MXRA8: variants seen among roughly 807,000 people sequenced by gnomAD.
MXRA8 encodes matrix remodeling associated 8.
Under a neutral mutation model 51.4 loss-of-function variants are expected in MXRA8, and 44 were observed. The ratio of observed to expected loss-of-function variants is 0.86; its 90% CI spans 0.67 to 1.10. The LOEUF is 1.10. Among genes scored for constraint, MXRA8 ranks in the 50% least tolerant of loss-of-function variants. The probability of loss-of-function intolerance (pLI) is 0.00; values close to 1 mark genes in which losing one functional copy is unlikely to be tolerated. For synonymous variants in MXRA8, 369 were observed against 293.5 expected (o/e 1.26, Z -2.63); for missense variants, 765 against 638.9 (o/e 1.20, Z -2.13).
intron 1 of MXRA8, among the ~76,000 whole-genome samples, chr1:1,357,008 A>G (rs1303594706): frequency 7.5e-6 from 1 of 133,872 alleles, no homozygotes; most frequent in South Asian, 2.4e-4. Flanking sequence ...GCTGCACCCA[A>G]GTCACCCAGA....
chr1:1,358,664 C>T (rs532502221), upstream of MXRA8: 5 of 1,408,366 alleles, frequency 3.6e-6, no homozygotes, highest in African/African-American at 2.9e-5. Flanking sequence ...TGCCGGGCCC[C>T]TTGGCCTCCC....
rs1644046286 is a variant in MXRA8, at chr1:1,353,553, CACAG to C, written c.*47_*50del. On this transcript the variant is annotated 3_prime_UTR_variant, in exon 10 of 10. Transcript: ENST00000309212. ...GAGCATCAGGAGATGCCCCGAGGAG[CACAG>C]ACAGGAGAGGTGCAGCTGCTGGCCC... 1.3e-6 allele frequency: 2 copies of C among 1,488,446 alleles called. No homozygotes were observed. The highest frequency in any genetic ancestry group is 1.8e-6 in the Non-Finnish European group (2 of 1,099,534). 92.2% of individuals were successfully genotyped at this position (1,488,446 alleles called of 1,614,324 possible). A position where few individuals can be genotyped will look rare whatever the true frequency, so the allele number is the denominator to read the frequency against.
In MXRA8 at chr1:1,355,343, C is replaced by G; in HGVS notation, c.379G>C (p.Val127Leu). ...TACAGCCCCGCGTCCGTCTCCTCCA[C>G]CGCTGCGCACCCAGGAGGAAGCCGC... ...DGNFSLLIRAVEETDAGLYTC... is the reference protein window; with the variant it reads ...DGNFSLLIRALEETDAGLYTC... Residue 127 changes from valine to leucine, a missense_variant and splice_region_variant, in exon 4 of 10, where the codon GTG (valine) becomes CTG (leucine). Physicochemically the swap from Val to Leu is conservative, Grantham distance 32 (BLOSUM62 1). Coordinates refer to ENST00000309212, the MANE Select transcript of MXRA8 (RefSeq NM_032348.4). The G allele has an allele frequency of 6.4e-7, 1 of 1,573,392 alleles. No homozygotes were observed. The highest frequency in any genetic ancestry group is 1.2e-5 in the South Asian group (1 of 86,846).
intron 1 of MXRA8, 95 bp downstream of exon 1, chr1:1,358,361 T>A (rs1644174307): frequency 7.2e-7 from 1 of 1,388,706 alleles, no homozygotes; most frequent in Non-Finnish European, 9.8e-7. Flanking sequence ...TTCCCACTCC[T>A]CCTGGCCCAA....
upstream of MXRA8, among the ~76,000 whole-genome samples, chr1:1,360,282 C>T (rs1644204481): frequency 6.6e-6 from 1 of 152,234 alleles, no homozygotes. Context: ...GAGAGGGCCA[C>T]CTGGGGGCAG....
At chr1:1,354,619 C>A (rs1224749205) in intron 5 of MXRA8, 63 bp downstream of exon 5, 2 of 1,542,082 alleles carry the variant, frequency 1.3e-6, no homozygotes, top group African/African-American at 2.8e-5. Context: ...GGACAGCGGG[C>A]GCAGAGCAAC....
At chr1:1,357,511 A>T (rs1222112494) in intron 1 of MXRA8, among the ~76,000 whole-genome samples, 1 of 151,930 alleles carries the variant, frequency 6.6e-6, no homozygotes. Flanking sequence ...TAAACCCACC[A>T]GTTAAAACTC....
At chr1:1,358,575 C>T (rs992995706), upstream of MXRA8, 13 of 1,558,596 alleles carry the variant, frequency 8.3e-6, no homozygotes, top group Admixed American at 2.1e-4. Context: ...GCCCTACCCC[C>T]TCCCCCTCCT....
At chr1:1,360,005 G>T (rs1308864412), upstream of MXRA8, among the ~76,000 whole-genome samples, 1 of 152,178 alleles carries the variant, frequency 6.6e-6, no homozygotes, top group Non-Finnish European at 1.5e-5. Context: ...GTCTCCTTCC[G>T]TCACTCTCCC....
At chr1:1,356,263 G>A (rs1403631010) in intron 2 of MXRA8, among the ~76,000 whole-genome samples, 5 of 135,140 alleles carry the variant, frequency 3.7e-5, no homozygotes, top group African/African-American at 1.1e-4. Context: ...CAAGTCAGTC[G>A]GGGAGACATG....
chr1:1,359,181 C>T (rs1264024064), upstream of MXRA8: 1 of 985,146 alleles, frequency 1.0e-6, no homozygotes, highest in Non-Finnish European at 1.2e-6. Context: ...GGACCCTGAG[C>T]ACTGGGAGGC....
In MXRA8 at chr1:1,357,548, T is replaced by A. The variant is rs1053312016; in HGVS notation, c.50-844A>T. ...CCCACCAGGCATGGTGGCTCACGCC[T>A]GTAATCCCAGCACTTTGGGAGGCCA... is the stretch of plus-strand genomic sequence containing the variant. On this transcript the variant is annotated intron_variant, in intron 1 of 9. Coordinates refer to ENST00000309212, the MANE Select transcript of MXRA8 (RefSeq NM_032348.4). Among the ~76,000 whole-genome samples the A allele has an allele frequency of 3.9e-5, 6 of 152,314 alleles. No homozygotes were observed. The East Asian group carries it at 1.2e-3, about 29-fold the overall frequency.
Position 1,353,520 on chromosome 1 carries a change from G to A in MXRA8, c.*84C>T, listed in dbSNP as rs1644045250. 1.5e-5 allele frequency: 23 copies of A among 1,516,382 alleles called. No individual in the cohort carries two copies. Among genetic ancestry groups the A allele is most frequent in the Non-Finnish European group, 1.9e-5 (21 of 1,130,756 alleles). 93.9% of individuals were successfully genotyped at this position (1,516,382 alleles called of 1,614,324 possible). A position where few individuals can be genotyped will look rare whatever the true frequency, so the allele number is the denominator to read the frequency against. On this transcript the variant is annotated 3_prime_UTR_variant, in exon 10 of 10. Coordinates refer to ENST00000309212, the MANE Select transcript of MXRA8 (RefSeq NM_032348.4). ...CGGGACCAGCCGCTGGAAGGGGGGTGAGCCCCGGAGCATCAGGAGATGCCC... is the reference window on the plus strand; with the variant it reads ...CGGGACCAGCCGCTGGAAGGGGGGTAAGCCCCGGAGCATCAGGAGATGCCC...
rs1304073036 is a variant in MXRA8, at chr1:1,354,412, C to T, written c.1047G>A (p.Leu349=). The T allele has an allele frequency of 1.9e-6, 3 of 1,612,420 alleles. No homozygotes were observed. The highest frequency in any genetic ancestry group is 2.2e-5 in the South Asian group (2 of 91,084). Residue 349 remains leucine (L), a synonymous_variant, in exon 6 of 10, where the codon CTG becomes CTA. Transcript: ENST00000309212. ...FQQLGYVLAT[L]LLFILLLVTV... is the part of the protein sequence containing the mutation. The stretch of plus-strand genomic sequence containing the variant: ...TGACCAGTAGCAGGATGAAGAGCAG[C>T]AGCGTGGCCAGCACGTAGCCCAGCT...
At chr1:1,360,307 G>A (rs905603329), upstream of MXRA8, among the ~76,000 whole-genome samples, 3 of 152,212 alleles carry the variant, frequency 2.0e-5, no homozygotes, top group African/African-American at 7.2e-5. Context: ...CCCCCATGGG[G>A]CCCTGGGCAA....
At chr1:1,356,730 A>G in intron 1 of MXRA8, 26 bp from the exon 2 acceptor site, 1 of 1,400,362 alleles carries the variant, frequency 7.1e-7, no homozygotes. Flanking sequence ...TGAGCTGGAG[A>G]GGCCACCCAC....
chr1:1,355,190 G>A, intron 4 of MXRA8, 38 bp from the exon 5 acceptor site: 2 of 1,416,652 alleles, frequency 1.4e-6, no homozygotes, highest in Non-Finnish European at 1.8e-6. Context: ...GCGGGCCGGG[G>A]CGGCGGTCGA....
At position 1,353,261 on chromosome 1, in the gene MXRA8, G is replaced by A. The variant is rs1401036974; in HGVS notation, c.*343C>T. On this transcript the variant is annotated 3_prime_UTR_variant, in exon 10 of 10. Transcript: ENST00000309212. ...GCCCTGAGGCTGACCCCAGTTTTGG[G>A]GCTGCCAGGTTCTGATGGGAGTGTC... 2.6e-6 allele frequency: 4 copies of A among 1,524,116 alleles called. No homozygotes were observed. Among genetic ancestry groups the A allele is most frequent in the Non-Finnish European group, 3.6e-6 (4 of 1,123,240 alleles). 94.4% of individuals were successfully genotyped at this position (1,524,116 alleles called of 1,614,324 possible).
chr1:1,362,622 A>C (rs1478157172), upstream of MXRA8, among the ~76,000 whole-genome samples: 1 of 151,768 alleles, frequency 6.6e-6, no homozygotes, highest in African/African-American at 2.4e-5. Context: ...TCTACTAAAA[A>C]TACAAAAAAT....
Sources: allele counts gnomAD v4.1 joint callset (sites outside exome capture counted in the v4.1 genomes callset), GRCh38; gene constraint gnomAD v4.1.1; transcripts MANE v1.5; gene names NCBI Gene and HGNC (gene_info 2026-07-23, HGNC 2026-07-21).